The following DNAH6 variants were observed in gnomAD, a reference collection of about 807,000 sequenced individuals.
DNAH6 encodes the protein dynein axonemal heavy chain 6, also known as axonemal beta dynein heavy chain 6.
A neutral mutation model predicts 491.4 loss-of-function variants in DNAH6; 340 were observed. The observed-to-expected ratio is 0.69, with a 90% confidence interval of 0.63 to 0.76. The LOEUF (loss-of-function observed/expected upper bound fraction) is 0.76. Among genes scored for constraint, DNAH6 ranks in the 30% least tolerant of loss-of-function variants. The probability of loss-of-function intolerance (pLI) is 0.00; values close to 1 mark genes in which losing one functional copy is unlikely to be tolerated. For synonymous variants in DNAH6, 1,603 were observed against 1,686.1 expected (o/e 0.95, Z 1.21); for missense variants, 4,443 against 4,972.2 (o/e 0.89, Z 3.20).
chr2:84,591,436 A>G (rs1482963625), intron 16 of DNAH6, among the ~76,000 whole-genome samples: 1 of 152,164 alleles, frequency 6.6e-6, no homozygotes, highest in African/African-American at 2.4e-5. Flanking sequence ...AGACTCACAC[A>G]CTATGATGAA....
chr2:84,526,185 T>A (rs1457937149), intron 3 of DNAH6, among the ~76,000 whole-genome samples: 4 of 151,336 alleles, frequency 2.6e-5, no homozygotes, highest in Non-Finnish European at 5.9e-5. Flanking sequence ...AGGGAAGAAA[T>A]CACCAGAGCT....
At position 84,732,286 on chromosome 2, in the gene DNAH6, T is replaced by A. The variant is rs890996165; in HGVS notation, c.10207-1158T>A. Among the ~76,000 whole-genome samples, 10 of 152,226 alleles carry A rather than the reference T, an allele frequency of 6.6e-5. No homozygotes were observed. The South Asian group carries it at 1.2e-3, about 19-fold the overall frequency. ...GAGTTTTTTCAGTTTTTGGAATATT[T>A]CCATTATACTTACTGGTTAAACGTA... On this transcript the variant is annotated intron_variant, in intron 61 of 76. Coordinates refer to ENST00000389394, the MANE Select transcript of DNAH6 (RefSeq NM_001370.2).
rs768180273 is a variant in DNAH6 at position 84,704,215 on chromosome 2, C to A, written c.8378C>A (p.Ala2793Glu). Residue 2793 changes from alanine to glutamate, a missense_variant, in exon 51 of 77, where the codon GCA (alanine) becomes GAA (glutamate). By Grantham distance (107) the Ala-to-Glu change is moderately radical (BLOSUM62 -1). This residue lies in a region of DNAH6 where 1,463 missense variants were observed against 1,656.6 expected (regional missense o/e 0.88). Transcript: ENST00000389394. ...AAAGCACTGGATTCCTTAGATAAGG[C>A]AGATATATCTGAAATCAGAGTTTTT... The part of the protein sequence containing the change: ...ANKALDSLDK[A>E]DISEIRVFTK... The A allele has an allele frequency of 1.2e-5, 19 of 1,551,760 alleles. No individual in the cohort carries two copies. Among genetic ancestry groups the A allele is most frequent in the Non-Finnish European group, 1.6e-5 (18 of 1,147,026 alleles).
At chr2:84,777,561 C>A in intron 64 of DNAH6, 1 of 779,230 alleles carries the variant, frequency 1.3e-6, no homozygotes, top group Non-Finnish European at 2.4e-6. Flanking sequence ...TACTTGTGAA[C>A]CTCTTTCCAC....
chr2:84,589,082 C>A, intron 16 of DNAH6, 128 bp downstream of exon 16: 1 of 765,334 alleles, frequency 1.3e-6, no homozygotes. Flanking sequence ...CAGCATGCTA[C>A]AAATAGTCTC....
chr2:84,518,323 C>G (rs887977546), intron 2 of DNAH6, among the ~76,000 whole-genome samples: 1 of 152,136 alleles, frequency 6.6e-6, no homozygotes, highest in African/African-American at 2.4e-5. Flanking sequence ...AGATACTTAA[C>G]TATGTATGCT....
chr2:84,537,173 C>A (rs1239115054), intron 4 of DNAH6, among the ~76,000 whole-genome samples: 4 of 151,842 alleles, frequency 2.6e-5, no homozygotes, highest in Non-Finnish European at 4.4e-5. Context: ...ACCTAAAAAA[C>A]GTAAAATATT....
chr2:84,616,899 T>G lies in DNAH6; in HGVS notation c.3489T>G (p.Thr1163=). The G allele has an allele frequency of 6.8e-7, 1 of 1,477,226 alleles. No homozygotes were observed. Among genetic ancestry groups the G allele is most frequent in the Middle Eastern group, 1.7e-4 (1 of 5,796 alleles). 91.5% of individuals were successfully genotyped at this position (1,477,226 alleles called of 1,614,324 possible). A position where few individuals can be genotyped will look rare whatever the true frequency, so the allele number is the denominator to read the frequency against. The change falls in exon 23 of 77, where the codon ACT becomes ACG. Residue 1163 remains threonine (T), a synonymous_variant. Transcript: ENST00000389394. ...RAATQPGLLE[T]FQNNNALLDQ... Reference sequence around the variant, plus strand: ...TTTAATGAACAGGACTTCTGGAAACTTTTCAAAACAATAATGCATTACTTG... The same window carrying G: ...TTTAATGAACAGGACTTCTGGAAACGTTTCAAAACAATAATGCATTACTTG...
chr2:84,623,730 A>C (rs1223350926), intron 26 of DNAH6, among the ~76,000 whole-genome samples: 1 of 152,226 alleles, frequency 6.6e-6, no homozygotes, highest in African/African-American at 2.4e-5. Flanking sequence ...CTCTTCCTTG[A>C]AAAAGATTTA....
At chr2:84,789,908 T>C (rs1476580946) in intron 68 of DNAH6, among the ~76,000 whole-genome samples, 1 of 152,158 alleles carries the variant, frequency 6.6e-6, no homozygotes, top group Non-Finnish European at 1.5e-5. Context: ...TTTTCTTCGG[T>C]TAATATAAAA....
chr2:84,634,625 A>G lies in DNAH6; in HGVS notation c.4637A>G (p.Asn1546Ser). Reference protein sequence around the residue: ...VIAQQLITIRNAKAAKLSRFM... With the variant: ...VIAQQLITIRSAKAAKLSRFM... ...GCGCAGCAACTCATTACCATTAGGA[A>G]CGCCAAAGCGGCAAAGGTAAGGCAC... Residue 1546 changes from asparagine (N) to serine (S), a missense_variant, in exon 30 of 77, where the codon AAC becomes AGC. This residue lies in a region of DNAH6 where 2,977 missense variants were observed against 3,296.6 expected (regional missense o/e 0.90). Transcript: ENST00000389394. The G allele has an allele frequency of 6.5e-7, 1 of 1,537,816 alleles. No homozygotes were observed. Among genetic ancestry groups the G allele is most frequent in the East Asian group, 2.5e-5 (1 of 40,032 alleles).
intron 65 of DNAH6, among the ~76,000 whole-genome samples, chr2:84,782,727 T>G (rs539661503): frequency 1.1e-4 from 16 of 152,318 alleles, no homozygotes; most frequent in African/African-American, 3.6e-4. Context: ...GTGGCTTATT[T>G]CTACTTAAAT....
chr2:84,752,588 C>T (rs1034309295), intron 63 of DNAH6, among the ~76,000 whole-genome samples: 21 of 152,004 alleles, frequency 1.4e-4, no homozygotes, highest in African/African-American at 4.6e-4. Flanking sequence ...CCCGAAAAAA[C>T]GCCATACCCA....
intron 14 of DNAH6, 62 bp from the exon 15 acceptor site, chr2:84,583,937 C>T: frequency 6.4e-7 from 1 of 1,565,334 alleles, no homozygotes; most frequent in Non-Finnish European, 8.7e-7. Context: ...CCTGTTAGAA[C>T]AAACTTCAAG....
In DNAH6 at chr2:84,526,664, G is replaced by T. The variant is rs957934897; in HGVS notation, c.399+926G>T. Among the ~76,000 whole-genome samples, 3 of 152,110 alleles carry T rather than the reference G, an allele frequency of 2.0e-5. No homozygotes were observed. In the East Asian group the frequency reaches 5.8e-4, roughly 29 times the overall value. ...GAGAGAGGTGGGAGCTCTAGGAGAAGCTAGATGGACAGGAGCTTATTTTGG... is the reference window on the plus strand; with the variant it reads ...GAGAGAGGTGGGAGCTCTAGGAGAATCTAGATGGACAGGAGCTTATTTTGG... On this transcript the variant is annotated intron_variant, in intron 3 of 76. Transcript: ENST00000389394.
intron 45 of DNAH6, among the ~76,000 whole-genome samples, chr2:84,691,359 T>C (rs1056821765): frequency 2.8e-4 from 43 of 152,208 alleles, no homozygotes; most frequent in African/African-American, 1.0e-3. Context: ...CACTTGTACA[T>C]TATGGGAAAA....
At chr2:84,763,052 G>C (rs563764902) in intron 64 of DNAH6, 107 bp downstream of exon 64, 1 of 796,946 alleles carries the variant, frequency 1.3e-6, no homozygotes, top group African/African-American at 1.8e-5. Flanking sequence ...TTACATTCAG[G>C]TATCACTTAC....
intron 45 of DNAH6, among the ~76,000 whole-genome samples, chr2:84,689,452 T>A (rs1039613492): frequency 6.6e-6 from 1 of 152,208 alleles, no homozygotes; most frequent in Non-Finnish European, 1.5e-5. Context: ...CTGGAGTGCC[T>A]GGAGCATCTC....
chr2:84,508,761 G>A, the DNAH6 span, among the ~76,000 whole-genome samples: 1 of 152,104 alleles, frequency 6.6e-6, no homozygotes, highest in Admixed American at 6.5e-5. Flanking sequence ...ATTCTGGTAC[G>A]TTGTGTCTTT....
Sources: allele counts gnomAD v4.1 joint callset (sites outside exome capture counted in the v4.1 genomes callset), GRCh38; gene constraint gnomAD v4.1.1; regional missense constraint gnomAD v4.1.1; transcripts MANE v1.5; gene names NCBI Gene and HGNC (gene_info 2026-07-23, HGNC 2026-07-21).